Variants in KCNIP4 observed in about 807,000 individuals in gnomAD.
The protein encoded by KCNIP4 is Kv channel-interacting protein 4.
KCNIP4 carries 12 observed loss-of-function variants against 34.0 expected under a neutral mutation model. The observed-to-expected ratio is 0.35, with a 90% CI of 0.23 to 0.57. The LOEUF (loss-of-function observed/expected upper bound fraction) is 0.57, where lower values mean the gene tolerates loss of function less well. KCNIP4 is among the 20% of genes least tolerant of loss of function. The pLI is 0.83. For missense variants in KCNIP4, 238 were observed against 311.7 expected (o/e 0.76, Z 1.78); for synonymous variants, 124 against 102.2 (o/e 1.21, Z -1.29).
At chr4:21,493,176 T>C (rs10003394) in intron 1 of KCNIP4, among the ~76,000 whole-genome samples, 1 of 150,934 alleles carries the variant, frequency 6.6e-6, no homozygotes, top group South Asian at 2.1e-4. Flanking sequence ...CTCTGACATG[T>C]GTTGTACATT....
intron 1 of KCNIP4, among the ~76,000 whole-genome samples, chr4:21,193,571 A>ATTTTTTTTTTTTTT (rs71655619): frequency 8.4e-6 from 1 of 119,238 alleles, no homozygotes; most frequent in African/African-American, 3.6e-5. Flanking sequence ...GCAATTTTAA[A>ATTTTTTTTTTTTTT]TTTTTTTTTT....
At position 20,962,847 on chromosome 4, in the gene KCNIP4, G is replaced by A. The variant is rs556009113; in HGVS notation, c.62-80138C>T. 3.3e-5 allele frequency among the ~76,000 whole-genome samples: 5 copies of A among 152,248 alleles called. No individual in the cohort carries two copies. The South Asian group carries it at 8.3e-4, about 25-fold the overall frequency. ...GTGAAATCTCTAAAAGCCCTAAAGT[G>A]TTGTTCAACTCATGTCTTATCCATT... On this transcript the variant is annotated intron_variant, in intron 1 of 8. Transcript: ENST00000382152.
In KCNIP4 at chr4:21,224,366, G is replaced by A. The variant is rs561414956; in HGVS notation, c.62-341657C>T. 3.3e-5 allele frequency among the ~76,000 whole-genome samples: 5 copies of A among 151,674 alleles called. No homozygotes were observed. In the East Asian group the frequency reaches 9.8e-4, roughly 30 times the overall value. ...CCTGTGTTTCTTCTTTTTTAAATAA[G>A]GGCTTCAATCCCATCCTGAGGGCCC... is the stretch of plus-strand genomic sequence containing the variant. On this transcript the variant is annotated intron_variant, in intron 1 of 8. Coordinates refer to ENST00000382152, the MANE Select transcript of KCNIP4 (RefSeq NM_025221.6).
intron 1 of KCNIP4, among the ~76,000 whole-genome samples, chr4:21,047,331 T>C (rs922153756): frequency 6.6e-6 from 1 of 152,154 alleles, no homozygotes; most frequent in Non-Finnish European, 1.5e-5. Context: ...CATATAATGA[T>C]TGGTATAGAT....
At chr4:20,992,308 C>T (rs1256407218) in intron 1 of KCNIP4, among the ~76,000 whole-genome samples, 2 of 151,992 alleles carry the variant, frequency 1.3e-5, no homozygotes, top group Non-Finnish European at 2.9e-5. Flanking sequence ...GGGAAATGTC[C>T]GTCACTTGTA....
intron 1 of KCNIP4, among the ~76,000 whole-genome samples, chr4:20,918,659 G>A (rs1419827427): frequency 6.6e-6 from 1 of 152,098 alleles, no homozygotes; most frequent in Non-Finnish European, 1.5e-5. Flanking sequence ...TATCTTCCTG[G>A]AGCCTGCAGC....
intron 1 of KCNIP4, among the ~76,000 whole-genome samples, chr4:21,514,360 C>A (rs894830579): frequency 6.6e-6 from 1 of 152,082 alleles, no homozygotes; most frequent in African/African-American, 2.4e-5. Flanking sequence ...TAACTCCAGG[C>A]AATCAGATTG....
chr4:21,373,941 G>A (rs537670211), intron 1 of KCNIP4, among the ~76,000 whole-genome samples: 1 of 128,266 alleles, frequency 7.8e-6, no homozygotes, highest in South Asian at 2.7e-4. Flanking sequence ...CTGGCCTCAA[G>A]TGATTCACCC....
intron 3 of KCNIP4, among the ~76,000 whole-genome samples, chr4:20,821,479 T>C (rs1174731044): frequency 1.3e-5 from 2 of 152,160 alleles, no homozygotes; most frequent in East Asian, 1.9e-4. Context: ...ACTCTGGACA[T>C]TATTTTTATT....
chr4:21,464,967 T>C (rs1729786573), intron 1 of KCNIP4, among the ~76,000 whole-genome samples: 1 of 152,138 alleles, frequency 6.6e-6, no homozygotes, highest in Admixed American at 6.6e-5. Context: ...TAGATCACTG[T>C]AGAACATGAA....
intron 3 of KCNIP4, among the ~76,000 whole-genome samples, chr4:20,847,885 T>G (rs757456208): frequency 1.3e-4 from 20 of 152,134 alleles, no homozygotes; most frequent in Admixed American, 6.6e-4. Context: ...ATATCCCAAC[T>G]GTTTCCAGGG....
chr4:21,485,290 T>C (rs1173527002), intron 1 of KCNIP4, among the ~76,000 whole-genome samples: 1 of 152,190 alleles, frequency 6.6e-6, no homozygotes, highest in Non-Finnish European at 1.5e-5. Context: ...TCTCCAATTA[T>C]AACCATTCAA....
chr4:20,866,910 A>G (rs1722932678), intron 2 of KCNIP4, among the ~76,000 whole-genome samples: 2 of 152,036 alleles, frequency 1.3e-5, no homozygotes, highest in South Asian at 2.1e-4. Flanking sequence ...CAATTACAAT[A>G]TTCACAAAGA....
At chr4:21,726,283 C>T (rs1715186132) in intron 1 of KCNIP4, among the ~76,000 whole-genome samples, 1 of 152,110 alleles carries the variant, frequency 6.6e-6, no homozygotes, top group African/African-American at 2.4e-5. Context: ...AGCAGTTGTT[C>T]CCTCAGTAGC....
At position 21,105,194 on chromosome 4, in the gene KCNIP4, C is replaced by T. The variant is rs547278657; in HGVS notation, c.62-222485G>A. On this transcript the variant is annotated intron_variant, in intron 1 of 8. Coordinates refer to ENST00000382152, the MANE Select transcript of KCNIP4 (RefSeq NM_025221.6). ...CTATAAATTACCTTGGGCAGTATGG[C>T]CATTTTCATGATATTGATTCTTCCT... Among the ~76,000 whole-genome samples, 31 of 151,620 alleles carry T rather than the reference C, an allele frequency of 2.0e-4. 2 individuals are homozygous for T. Among genetic ancestry groups the T allele is most frequent in the African/African-American group, 7.6e-4 (31 of 40,974 alleles).
At chr4:21,019,941 T>A (rs925727663) in intron 1 of KCNIP4, among the ~76,000 whole-genome samples, 3 of 152,176 alleles carry the variant, frequency 2.0e-5, no homozygotes, top group Admixed American at 2.0e-4. Flanking sequence ...CTGGCATATT[T>A]ATTTAAGCTA....
intron 1 of KCNIP4, among the ~76,000 whole-genome samples, chr4:20,929,305 A>G (rs1560577440): frequency 6.6e-6 from 1 of 152,052 alleles, no homozygotes; most frequent in Non-Finnish European, 1.5e-5. Flanking sequence ...ATCAACACAG[A>G]AAAAGCATTT....
chr4:21,348,481 TC>T (rs1339885466), intron 1 of KCNIP4, among the ~76,000 whole-genome samples: 3 of 152,148 alleles, frequency 2.0e-5, no homozygotes, highest in African/African-American at 7.2e-5. Flanking sequence ...GTTTAGCAGT[TC>T]CATCCTGGTT....
intron 1 of KCNIP4, among the ~76,000 whole-genome samples, chr4:20,967,935 C>A (rs1329444196): frequency 6.6e-6 from 1 of 152,124 alleles, no homozygotes; most frequent in Non-Finnish European, 1.5e-5. Context: ...CAAATGGGAT[C>A]TAATTAAACT....
Sources: gnomAD v4.1 joint callset for allele counts (sites outside exome capture counted in the v4.1 genomes callset) on GRCh38, gnomAD v4.1.1 for gene constraint, MANE v1.5 for transcripts, NCBI Gene and HGNC (gene_info 2026-07-23, HGNC 2026-07-21) for gene names.